Variants in MADD observed in about 807,000 individuals in gnomAD.
MADD encodes MAP kinase activating death domain.
MADD carries 109 observed loss-of-function variants against 176.7 expected under a neutral mutation model. The ratio of observed to expected loss-of-function variants is 0.62; its 90% CI spans 0.53 to 0.72. The LOEUF is 0.72. Among genes scored for constraint, MADD ranks in the 30% least tolerant of loss-of-function variants. The pLI, the probability that MADD is intolerant of heterozygous loss-of-function variation, is 0.00. For synonymous variants in MADD, 771 were observed against 771.3 expected (o/e 1.00, Z 0.01); for missense variants, 1,914 against 2,045.5 (o/e 0.94, Z 1.24).
At chr11:47,287,369 C>G (rs1368250693) in intron 15 of MADD, among the ~76,000 whole-genome samples, 1 of 152,134 alleles carries the variant, frequency 6.6e-6, no homozygotes, top group Non-Finnish European at 1.5e-5. Context: ...TTGGTTTGTG[C>G]TATCTGACAG....
At chr11:47,297,680 T>TG (rs2073925874) in intron 22 of MADD, among the ~76,000 whole-genome samples, 1 of 151,642 alleles carries the variant, frequency 6.6e-6, no homozygotes, top group Non-Finnish European at 1.5e-5. Context: ...TCTCCTGACT[T>TG]CGTGATCTGC....
Position 47,294,001 on chromosome 11 carries a change from T to A in MADD, c.3402+18T>A. The A allele has an allele frequency of 6.3e-7, 1 of 1,589,798 alleles. No homozygotes were observed. On this transcript the variant is annotated intron_variant, in intron 20 of 32. Transcript: ENST00000402192. ...GTTCCCAGGTTTGTGACAACCTTGT[T>A]GAAATTTGCAAGTATTAAATATGCT...
chr11:47,284,034 A>G, intron 10 of MADD, 144 bp from the exon 11 acceptor site: 1 of 639,160 alleles, frequency 1.6e-6, no homozygotes, highest in Non-Finnish European at 2.8e-6. Context: ...GCTTTGGTTG[A>G]CTGTTTTTCT....
intron 19 of MADD, among the ~76,000 whole-genome samples, chr11:47,292,814 G>A (rs139234903): frequency 2.4e-4 from 37 of 152,164 alleles, no homozygotes; most frequent in African/African-American, 8.7e-4. Flanking sequence ...GGTGTCTACT[G>A]AATACAACTC....
At chr11:47,324,002 ATAG>A in intron 28 of MADD, 167 bp downstream of exon 31, 3 of 723,636 alleles carry the variant, frequency 4.1e-6, no homozygotes, top group Non-Finnish European at 6.8e-6. Flanking sequence ...ACTAGGCCTA[ATAG>A]TAGTCACAAT....
intron 16 of MADD, 146 bp from the exon 18 acceptor site, chr11:47,289,721 A>G (rs2063616640): frequency 2.1e-6 from 2 of 957,688 alleles, no homozygotes; most frequent in South Asian, 1.6e-5. Context: ...CGCGTGCTCC[A>G]GAGAGGTGGG....
chr11:47,276,039 T>C (rs1332999645), exon 4 of MADD: 1 of 1,613,992 alleles, frequency 6.2e-7, no homozygotes, highest in Admixed American at 1.7e-5. Context: ...CAGAAGCGAG[T>C]AGACATCGAG....
chr11:47,323,840 G>T lies in MADD; in HGVS notation c.4362+5G>T, dbSNP rs767668932. On this transcript the variant is annotated splice_donor_5th_base_variant and intron_variant, in intron 28 of 32. Transcript: ENST00000402192. The stretch of plus-strand genomic sequence containing the variant: ...AACAAGTTCTATACTAAAAAGGTAC[G>T]CAGGATCTGTGTTTGGGTTGGGGCT... The T allele has an allele frequency of 5.6e-6, 9 of 1,613,672 alleles. No individual in the cohort carries two copies. The South Asian group carries it at 8.8e-5, about 16-fold the overall frequency.
chr11:47,294,226 G>GTAA (rs1355904726), intron 20 of MADD, among the ~76,000 whole-genome samples: 2 of 151,944 alleles, frequency 1.3e-5, no homozygotes, highest in African/African-American at 4.8e-5. Flanking sequence ...GCGCATGCCT[G>GTAA]TAATCCCAGC....
intron 31 of MADD, chr11:47,327,852 C>A (rs1317244024): frequency 2.5e-5 from 25 of 985,298 alleles, no homozygotes; most frequent in Non-Finnish European, 2.9e-5. Context: ...CTCAAGGGGC[C>A]ATGATGGTGG....
chr11:47,295,730 G>A (rs1362522391), intron 21 of MADD, 151 bp downstream of exon 23: 5 of 1,529,350 alleles, frequency 3.3e-6, no homozygotes, highest in East Asian at 2.3e-5. Context: ...GTGTGTATAC[G>A]AGATTTCACC....
chr11:47,292,510 C>G, intron 19 of MADD, 33 bp from the exon 21 acceptor site: 1 of 1,607,376 alleles, frequency 6.2e-7, no homozygotes, highest in Non-Finnish European at 8.5e-7. Context: ...GACTTTCTGT[C>G]TTTCTCTCCT....
chr11:47,281,675 A>G lies in MADD; in HGVS notation c.1391A>G (p.Asp464Gly). The G allele has an allele frequency of 1.9e-6, 3 of 1,613,716 alleles. No homozygotes were observed. The South Asian group carries it at 3.3e-5, about 18-fold the overall frequency. ...CTTCTCTTGGGAAGGCCTTCTAATGACCTGCAGTCCACACCGTCCACTGAA... is the reference window on the plus strand; with the variant it reads ...CTTCTCTTGGGAAGGCCTTCTAATGGCCTGCAGTCCACACCGTCCACTGAA... The change falls in exon 8 of 33, where the codon GAC becomes GGC. Residue 464 changes from aspartate to glycine, a missense_variant. Transcript: ENST00000402192.
intron 22 of MADD, 58 bp downstream of exon 24, chr11:47,296,113 CA>C: frequency 6.4e-7 from 1 of 1,568,032 alleles, no homozygotes; most frequent in Non-Finnish European, 8.7e-7. Context: ...GGGAAGCAGG[CA>C]AGAAAAGAAT....
At chr11:47,327,669 C>A (rs1334272018) in intron 31 of MADD, 1 of 985,320 alleles carries the variant, frequency 1.0e-6, no homozygotes, top group African/African-American at 1.7e-5. Flanking sequence ...TTGGGGGAAT[C>A]TTCCAACTCG....
exon 23 of MADD, chr11:47,308,688 A>G: frequency 6.2e-7 from 1 of 1,613,412 alleles, no homozygotes; most frequent in Non-Finnish European, 8.5e-7. Flanking sequence ...TATCTCTATG[A>G]GGGACTCCTA....
At chr11:47,277,866 A>G (rs868344224) in intron 5 of MADD, among the ~76,000 whole-genome samples, 4 of 152,170 alleles carry the variant, frequency 2.6e-5, no homozygotes, top group Non-Finnish European at 5.9e-5. Flanking sequence ...TGCAGTTTAA[A>G]ATTTATGAAT....
rs764757169 is a variant in MADD at position 47,324,307 on chromosome 11, G to A, written c.4405G>A (p.Ala1469Thr). The stretch of plus-strand genomic sequence containing the variant: ...CTGTGTGAAGGACAGCATGGAGCGC[G>A]CTGCCGCCCGACAGCAAAGCATCAA... Residue 1469 changes from alanine to threonine, a missense_variant, in exon 29 of 33, where the codon GCT (alanine) becomes ACT (threonine). By Grantham distance (58) the Ala-to-Thr change is moderately conservative (BLOSUM62 0). Around this residue, in one of 2 missense-constraint regions of MADD, gnomAD observed 147 missense variants for 209.5 expected, o/e 0.70. Coordinates refer to ENST00000402192, the Ensembl canonical transcript of MADD. 15 of 1,614,190 alleles carry A rather than the reference G, an allele frequency of 9.3e-6. 1 individual carries two copies. The highest frequency in any genetic ancestry group is 4.4e-5 in the South Asian group (4 of 91,084).
At chr11:47,308,411 G>A (rs772150928) in intron 22 of MADD, among the ~76,000 whole-genome samples, 180 bp from the exon 25 acceptor site, 2 of 152,242 alleles carry the variant, frequency 1.3e-5, no homozygotes, top group East Asian at 1.9e-4. Flanking sequence ...AAACTTTATT[G>A]TATAGTTTAG....
Sources: gnomAD v4.1 joint callset for allele counts (sites outside exome capture counted in the v4.1 genomes callset) on GRCh38, gnomAD v4.1.1 for gene constraint, gnomAD v4.1.1 regional missense constraint, MANE v1.5 for transcripts, NCBI Gene and HGNC (gene_info 2026-07-23, HGNC 2026-07-21) for gene names.